TAX1BP1: variants seen among roughly 807,000 people sequenced by gnomAD.
The protein encoded by TAX1BP1 is tax1-binding protein 1.
In TAX1BP1, 62 loss-of-function variants were observed where a neutral mutation model predicts 97.7. The ratio of observed to expected loss-of-function variants is 0.63; its 90% confidence interval spans 0.52 to 0.78. TAX1BP1 has a LOEUF of 0.78. Among genes scored for constraint, TAX1BP1 ranks in the 30% least tolerant of loss-of-function variants. The pLI, the probability that TAX1BP1 is intolerant of heterozygous loss-of-function variation, is 0.00. For missense variants in TAX1BP1, 867 were observed against 916.1 expected (o/e 0.95, Z 0.69); for synonymous variants, 340 against 304.2 (o/e 1.12, Z -1.23).
chr7:27,816,006 C>A (rs1476152149), intron 13 of TAX1BP1, among the ~76,000 whole-genome samples: 4 of 152,148 alleles, frequency 2.6e-5, no homozygotes, highest in African/African-American at 9.7e-5. Flanking sequence ...TGCACCCCAG[C>A]CTGGGTGAAG....
intron 9 of TAX1BP1, among the ~76,000 whole-genome samples, chr7:27,792,771 G>T (rs566446283): frequency 1.1e-3 from 161 of 152,042 alleles, no homozygotes; most frequent in African/African-American, 3.7e-3. Flanking sequence ...AGACCAGCCC[G>T]GGCAACATAG....
chr7:27,814,815 A>G (rs962004187), intron 13 of TAX1BP1, among the ~76,000 whole-genome samples: 2 of 151,724 alleles, frequency 1.3e-5, no homozygotes, highest in Admixed American at 6.6e-5. Context: ...GGCTCACTGT[A>G]ACCTCCATCT....
chr7:27,792,315 C>G (rs1789749898), intron 9 of TAX1BP1, 85 bp downstream of exon 9: 1 of 1,218,858 alleles, frequency 8.2e-7, no homozygotes, highest in African/African-American at 1.5e-5. Context: ...TAAGATAAGA[C>G]AGGTCAGATT....
At chr7:27,741,562 G>A (rs1787604484) in intron 1 of TAX1BP1, among the ~76,000 whole-genome samples, 1 of 150,356 alleles carries the variant, frequency 6.7e-6, no homozygotes, top group African/African-American at 2.5e-5. Flanking sequence ...GTGCAGTGGC[G>A]CGATCGCGGC....
chr7:27,817,495 G>A (rs1325527800), intron 15 of TAX1BP1, among the ~76,000 whole-genome samples: 3 of 152,072 alleles, frequency 2.0e-5, no homozygotes, highest in African/African-American at 7.2e-5. Flanking sequence ...ATTATCTTCA[G>A]CCAGAAAAAG....
At position 27,828,008 on chromosome 7, in the gene TAX1BP1, A is replaced by G. The variant is rs553233822; in HGVS notation, c.2168+188A>G. ...GATTTAGGGAGTTTTGTCAGAAAAC[A>G]TTTTTAACTTGCAGTATTTAAAAGA... On this transcript the variant is annotated intron_variant, in intron 16 of 16. Coordinates refer to ENST00000396319, the MANE Select transcript of TAX1BP1 (RefSeq NM_006024.7). Among the ~76,000 whole-genome samples the G allele has an allele frequency of 3.9e-5, 6 of 152,344 alleles. No homozygotes were observed. The East Asian group carries it at 1.2e-3, about 29-fold the overall frequency.
chr7:27,768,667 A>G (rs1174931234), intron 4 of TAX1BP1, among the ~76,000 whole-genome samples: 1 of 151,990 alleles, frequency 6.6e-6, no homozygotes, highest in African/African-American at 2.4e-5. Flanking sequence ...ATTGCAAACT[A>G]TTTCAAATCA....
intron 2 of TAX1BP1, among the ~76,000 whole-genome samples, chr7:27,757,631 G>A (rs1397643558): frequency 6.6e-6 from 1 of 151,964 alleles, no homozygotes; most frequent in Non-Finnish European, 1.5e-5. Flanking sequence ...GGATCTGCTA[G>A]ACATTCAGTA....
Position 27,793,048 on chromosome 7 carries a change from A to G in TAX1BP1, c.1264-18A>G, listed in dbSNP as rs1401221985. 1 of 1,571,062 alleles carries G rather than the reference A, an allele frequency of 6.4e-7. No homozygotes were observed. The highest frequency in any genetic ancestry group is 8.6e-7 in the Non-Finnish European group (1 of 1,168,486). On this transcript the variant is annotated intron_variant, in intron 9 of 16. Coordinates refer to ENST00000396319, the MANE Select transcript of TAX1BP1 (RefSeq NM_006024.7). ...ATCAGATTTTTATTTTTTTCTTCAAATGTTTGTTTCTTTCTAGGACAAGAC... is the reference window on the plus strand; with the variant it reads ...ATCAGATTTTTATTTTTTTCTTCAAGTGTTTGTTTCTTTCTAGGACAAGAC...
intron 13 of TAX1BP1, among the ~76,000 whole-genome samples, chr7:27,808,113 G>A (rs1373607964): frequency 1.3e-5 from 2 of 152,118 alleles, no homozygotes; most frequent in African/African-American, 2.4e-5. Flanking sequence ...ATTTACTGGT[G>A]TATGTAGTTT....
chr7:27,807,031 T>A (rs1342809038), intron 13 of TAX1BP1, among the ~76,000 whole-genome samples: 1 of 152,078 alleles, frequency 6.6e-6, no homozygotes, highest in East Asian at 1.9e-4. Context: ...ATTTTCTCTT[T>A]CATTGTATGT....
intron 8 of TAX1BP1, among the ~76,000 whole-genome samples, chr7:27,788,341 A>G (rs544064180): frequency 1.3e-5 from 2 of 151,988 alleles, no homozygotes; most frequent in Admixed American, 6.5e-5. Context: ...ACCTGTCTCT[A>G]TATAGGTGCC....
At chr7:27,826,742 A>G (rs1383487268) in intron 15 of TAX1BP1, among the ~76,000 whole-genome samples, 2 of 152,182 alleles carry the variant, frequency 1.3e-5, no homozygotes, top group Non-Finnish European at 1.5e-5. Context: ...TTTCTTTGTG[A>G]TGAAAACTAG....
At chr7:27,815,552 G>T (rs1298712093) in intron 13 of TAX1BP1, among the ~76,000 whole-genome samples, 3 of 152,030 alleles carry the variant, frequency 2.0e-5, no homozygotes. Flanking sequence ...ATAAGTTAAG[G>T]CTTTTGCATC....
intron 13 of TAX1BP1, among the ~76,000 whole-genome samples, chr7:27,801,465 G>A (rs547778092): frequency 4.3e-4 from 65 of 152,072 alleles, no homozygotes; most frequent in Non-Finnish European, 7.6e-4. Context: ...TATTAAGTGT[G>A]AATCATGAAT....
intron 3 of TAX1BP1, among the ~76,000 whole-genome samples, chr7:27,763,616 G>T (rs1269203979): frequency 6.6e-6 from 1 of 152,050 alleles, no homozygotes; most frequent in Non-Finnish European, 1.5e-5. Flanking sequence ...AAATACAAAA[G>T]AATTCGCTGG....
At chr7:27,743,560 T>TA (rs1168822143) in intron 1 of TAX1BP1, among the ~76,000 whole-genome samples, 2 of 152,222 alleles carry the variant, frequency 1.3e-5, no homozygotes, top group Non-Finnish European at 2.9e-5. Flanking sequence ...TGTGGAGTGT[T>TA]ACTAATCTGT....
At chr7:27,748,488 A>G in intron 1 of TAX1BP1, 30 bp from the exon 2 acceptor site, 1 of 1,497,490 alleles carries the variant, frequency 6.7e-7, no homozygotes, top group Non-Finnish European at 9.0e-7. Context: ...TAGTTGGTAT[A>G]ATTTAACTTG....
intron 3 of TAX1BP1, among the ~76,000 whole-genome samples, chr7:27,762,684 C>T (rs983934879): frequency 6.6e-6 from 1 of 152,140 alleles, no homozygotes; most frequent in African/African-American, 2.4e-5. Context: ...CATGGTGGCT[C>T]ACACTTCTAA....
Sources: allele counts gnomAD v4.1 joint callset (sites outside exome capture counted in the v4.1 genomes callset), GRCh38; gene constraint gnomAD v4.1.1; transcripts MANE v1.5; gene names NCBI Gene and HGNC (gene_info 2026-07-23, HGNC 2026-07-21).